PTPN6: variants seen among roughly 807,000 people sequenced by gnomAD.
PTPN6 encodes the protein tyrosine-protein phosphatase non-receptor type 6.
Under a neutral mutation model 81.5 loss-of-function variants are expected in PTPN6, and 18 were observed. The ratio of observed to expected loss-of-function variants is 0.22; its 90% CI spans 0.15 to 0.33. PTPN6 has a LOEUF of 0.33. Ranked by LOEUF, PTPN6 falls within the 10% of genes least tolerant of loss-of-function variation. The pLI is 1.00. For missense variants in PTPN6, 500 were observed against 794.2 expected (o/e 0.63, Z 4.45); for synonymous variants, 301 against 310.9 (o/e 0.97, Z 0.33).
chr12:6,956,147 C>T lies in PTPN6; in HGVS notation c.850C>T (p.His284Tyr), dbSNP rs1555148621. ...TCCTCTCCGCCCACTCCCAGTTGAC[C>T]ACAGCCGAGTGATCCTGCAGGGACG... ...NRYKNILPFD[H>Y]SRVILQGRDS... The change falls in exon 8 of 16, where the codon CAC becomes TAC. Residue 284 changes from histidine to tyrosine, a missense_variant. Physicochemically the swap from His to Tyr is moderately conservative, Grantham distance 83. Transcript: ENST00000318974. The surrounding 1 kb of genome is among the most constrained non-coding windows in gnomAD (Gnocchi z 4.1). 6.2e-7 allele frequency: 1 copy of T among 1,614,066 alleles called. No individual in the cohort carries two copies. Among genetic ancestry groups the T allele is most frequent in the African/African-American group, 1.3e-5 (1 of 74,924 alleles).
At position 6,960,348 on chromosome 12, in the gene PTPN6, A is replaced by G; in HGVS notation, c.1586A>G (p.Gln529Arg). The change falls in exon 14 of 16, where the codon CAG becomes CGG. Residue 529 changes from glutamine (Q) to arginine (R), a missense_variant. Transcript: ENST00000318974. This position sits in a 1 kb window ranked among gnomAD's most constrained non-coding sequence, Gnocchi z 6.1. ...CCACTGTCCCTCTGCCCACAGTCGC[A>G]GAAGGGCCAGGAGTCGGAGTACGGG... is the stretch of plus-strand genomic sequence containing the variant. The part of the protein sequence containing the change: ...TKKKLEVLQS[Q>R]KGQESEYGNI... 6.2e-7 allele frequency: 1 copy of G among 1,613,132 alleles called. No individual in the cohort carries two copies. The highest frequency in any genetic ancestry group is 8.5e-7 in the Non-Finnish European group (1 of 1,179,936).
At position 6,955,003 on chromosome 12, in the gene PTPN6, G is replaced by T; in HGVS notation, c.516+9G>T. 1 of 1,614,086 alleles carries T rather than the reference G, an allele frequency of 6.2e-7. No individual in the cohort carries two copies. The highest frequency in any genetic ancestry group is 2.2e-5 in the East Asian group (1 of 44,878). On this transcript the variant is annotated intron_variant, in intron 4 of 15. Coordinates refer to ENST00000318974, the MANE Select transcript of PTPN6 (RefSeq NM_002831.6). The surrounding 1 kb of genome is among the most constrained non-coding windows in gnomAD (Gnocchi z 7.2). ...TCAAGGTCATGTGCGAGGTAAGGCA[G>T]CCAGGCGGCGGGGGAGCCTCTGCTG...
chr12:6,953,816 G>A (rs1945970485), intron 3 of PTPN6, among the ~76,000 whole-genome samples: 1 of 151,990 alleles, frequency 6.6e-6, no homozygotes, highest in South Asian at 2.1e-4. Context: ...AGGCTCTGGG[G>A]GTCTCTCGGC....
rs782673075 is a variant in PTPN6 at position 6,956,407 on chromosome 12, G to C, written c.925-12G>C. On this transcript the variant is annotated splice_polypyrimidine_tract_variant and intron_variant, in intron 8 of 15. Coordinates refer to ENST00000318974, the MANE Select transcript of PTPN6 (RefSeq NM_002831.6). The surrounding 1 kb of genome is among the most constrained non-coding windows in gnomAD (Gnocchi z 4.1). Reference sequence around the variant, plus strand: ...ACTGTCTTGGGGTGCGTCTCTCCACGCTTGCGTCCAGAACCAGCTGCTAGG... The same window carrying C: ...ACTGTCTTGGGGTGCGTCTCTCCACCCTTGCGTCCAGAACCAGCTGCTAGG... 6.2e-7 allele frequency: 1 copy of C among 1,614,110 alleles called. No individual in the cohort carries two copies. Among genetic ancestry groups the C allele is most frequent in the Non-Finnish European group, 8.5e-7 (1 of 1,180,018 alleles).
chr12:6,956,469 G>T lies in PTPN6; in HGVS notation c.975G>T (p.Gln325His), dbSNP rs781923789. ...DENAKTYIAS[Q>H]GCLEATVNDF... Reference sequence around the variant, plus strand: ...ACGCTAAGACCTACATCGCCAGCCAGGGTTGTCTGGAGGCCACGGTCAATG... The same window carrying T: ...ACGCTAAGACCTACATCGCCAGCCATGGTTGTCTGGAGGCCACGGTCAATG... Residue 325 changes from glutamine to histidine, a missense_variant, in exon 9 of 16, where the codon CAG becomes CAT. Transcript: ENST00000318974. This position sits in a 1 kb window ranked among gnomAD's most constrained non-coding sequence, Gnocchi z 4.1. The T allele has an allele frequency of 6.2e-7, 1 of 1,614,110 alleles. No homozygotes were observed. The highest frequency in any genetic ancestry group is 1.1e-5 in the South Asian group (1 of 91,080).
rs782730341 is a variant in PTPN6 at position 6,955,309 on chromosome 12, G to T, written c.633+42G>T. On this transcript the variant is annotated intron_variant, in intron 5 of 15. Transcript: ENST00000318974. This position sits in a 1 kb window ranked among gnomAD's most constrained non-coding sequence, Gnocchi z 7.2. ...GCTGCCTCCCCACTTCCCCTGAGCT[G>T]TCCCCCAGATGTGAGCTTCTGGGAT... 6.2e-7 allele frequency: 1 copy of T among 1,610,354 alleles called. No individual in the cohort carries two copies. Among genetic ancestry groups the T allele is most frequent in the Admixed American group, 1.7e-5 (1 of 60,002 alleles).
chr12:6,955,272 G>A lies in PTPN6; in HGVS notation c.633+5G>A, dbSNP rs950568921. The A allele has an allele frequency of 6.2e-7, 1 of 1,613,744 alleles. No homozygotes were observed. Among genetic ancestry groups the A allele is most frequent in the Admixed American group, 1.7e-5 (1 of 60,002 alleles). ...GCCTTTGTCTACCTGCGGCAGGTCA[G>A]GGGTGGGCCCAGCTGCCTCCCCACT... On this transcript the variant is annotated splice_donor_5th_base_variant and intron_variant, in intron 5 of 15. Coordinates refer to ENST00000318974, the MANE Select transcript of PTPN6 (RefSeq NM_002831.6). This position sits in a 1 kb window ranked among gnomAD's most constrained non-coding sequence, Gnocchi z 7.2.
Position 6,956,700 on chromosome 12 carries a change from C to A in PTPN6, c.1074+132C>A. Reference sequence around the variant, plus strand: ...CCGGCCCTTGTTGGGAAACTGAGGGCTAGTGACAAAGTCTCGACTACACAA... The same window carrying A: ...CCGGCCCTTGTTGGGAAACTGAGGGATAGTGACAAAGTCTCGACTACACAA... On this transcript the variant is annotated intron_variant, in intron 9 of 15. Coordinates refer to ENST00000318974, the MANE Select transcript of PTPN6 (RefSeq NM_002831.6). This position sits in a 1 kb window ranked among gnomAD's most constrained non-coding sequence, Gnocchi z 4.1. 8.1e-7 allele frequency: 1 copy of A among 1,240,032 alleles called. No homozygotes were observed. The highest frequency in any genetic ancestry group is 1.1e-6 in the Non-Finnish European group (1 of 879,780). The allele number at this position is 1,240,032 out of a possible 1,614,324, so 76.8% of individuals were successfully genotyped here.
chr12:6,951,278 A>AAGT (rs1555147656), upstream of PTPN6: 1 of 1,448,898 alleles, frequency 6.9e-7, no homozygotes, highest in Non-Finnish European at 9.1e-7. This position sits in a 1 kb window ranked among gnomAD's most constrained non-coding sequence, Gnocchi z 7.2. Flanking sequence ...TGTGCTCTAA[A>AAGT]ACGAGAAGTA....
upstream of PTPN6, among the ~76,000 whole-genome samples, chr12:6,946,980 G>A (rs143541969): frequency 6.6e-6 from 1 of 152,214 alleles, no homozygotes; most frequent in East Asian, 1.9e-4. Context: ...TCTCTCCATT[G>A]CATTTCTACT....
Position 6,956,654 on chromosome 12 carries a change from A to G in PTPN6, c.1074+86A>G. 1.3e-6 allele frequency: 2 copies of G among 1,557,580 alleles called. No individual in the cohort carries two copies. The highest frequency in any genetic ancestry group is 1.4e-5 in the African/African-American group (1 of 73,982). The stretch of plus-strand genomic sequence containing the variant: ...AGAGCAGTCAGATGCCAGGGCAGAA[A>G]GGGATCTCAGGGGTGAGGGTCCGGC... On this transcript the variant is annotated intron_variant, in intron 9 of 15. Coordinates refer to ENST00000318974, the MANE Select transcript of PTPN6 (RefSeq NM_002831.6). This position sits in a 1 kb window ranked among gnomAD's most constrained non-coding sequence, Gnocchi z 4.1.
In PTPN6 at chr12:6,956,211, A is replaced by G. The variant is rs1555148653; in HGVS notation, c.914A>G (p.Asn305Ser). The change falls in exon 8 of 16, where the codon AAC becomes AGC. Residue 305 changes from asparagine to serine, a missense_variant. Around this residue, in one of 6 missense-constraint regions of PTPN6, gnomAD observed 226 missense variants for 364.4 expected, o/e 0.62. Transcript: ENST00000318974. The surrounding 1 kb of genome is among the most constrained non-coding windows in gnomAD (Gnocchi z 4.1). Reference sequence around the variant, plus strand: ...CCCGGGTCCGACTACATCAATGCCAACTACATCAAGGTCAGCAGTGTGGGC... The same window carrying G: ...CCCGGGTCCGACTACATCAATGCCAGCTACATCAAGGTCAGCAGTGTGGGC... Reference protein sequence around the residue: ...NIPGSDYINANYIKNQLLGPD... With the variant: ...NIPGSDYINASYIKNQLLGPD... 2 of 1,614,136 alleles carry G rather than the reference A, an allele frequency of 1.2e-6. No individual in the cohort carries two copies. The highest frequency in any genetic ancestry group is 1.7e-5 in the Admixed American group (1 of 60,016).
Position 6,952,708 on chromosome 12 carries a change from CAG to C in PTPN6, c.326+535_326+536del. 1 of 198,374 alleles carries C rather than the reference CAG, an allele frequency of 5.0e-6. No individual in the cohort carries two copies. Among genetic ancestry groups the C allele is most frequent in the Non-Finnish European group, 1.1e-5 (1 of 94,430 alleles). The allele number at this position is 198,374 out of a possible 1,614,324, so 12.3% of individuals were successfully genotyped here. On this transcript the variant is annotated intron_variant, in intron 3 of 15. Coordinates refer to ENST00000318974, the MANE Select transcript of PTPN6 (RefSeq NM_002831.6). The surrounding 1 kb of genome is among the most constrained non-coding windows in gnomAD (Gnocchi z 8.1). ...GGGTCAAATAGGTCTCCGGCCCAAA[CAG>C]AGATCATTGAGAGCACGATGTGAAG...
In PTPN6 at chr12:6,951,936, T is replaced by C; in HGVS notation, c.132-47T>C. On this transcript the variant is annotated intron_variant, in intron 2 of 15. Coordinates refer to ENST00000318974, the MANE Select transcript of PTPN6 (RefSeq NM_002831.6). This position sits in a 1 kb window ranked among gnomAD's most constrained non-coding sequence, Gnocchi z 7.2. ...GGACCTCAGCCGATCCCTGCCCTCC[T>C]GCCTCTACTCCTGCACCGACTGGCC... 1 of 1,562,042 alleles carries C rather than the reference T, an allele frequency of 6.4e-7. No individual in the cohort carries two copies. The highest frequency in any genetic ancestry group is 8.7e-7 in the Non-Finnish European group (1 of 1,145,222).
rs1387467484 is a variant in PTPN6 at position 6,960,585 on chromosome 12, C to T, written c.1673+150C>T. 6.9e-7 allele frequency: 1 copy of T among 1,448,804 alleles called. No homozygotes were observed. Among genetic ancestry groups the T allele is most frequent in the African/African-American group, 1.4e-5 (1 of 70,858 alleles). The allele number at this position is 1,448,804 out of a possible 1,614,324, so 89.7% of individuals were successfully genotyped here. A position where few individuals can be genotyped will look rare whatever the true frequency, so the allele number is the denominator to read the frequency against. ...TCACCCCTTCTGTTCATAAGCATTTCCTGAGTGCCCACACGTGTGGGCCTC... is the reference window on the plus strand; with the variant it reads ...TCACCCCTTCTGTTCATAAGCATTTTCTGAGTGCCCACACGTGTGGGCCTC... On this transcript the variant is annotated intron_variant, in intron 14 of 15. Coordinates refer to ENST00000318974, the MANE Select transcript of PTPN6 (RefSeq NM_002831.6). This position sits in a 1 kb window ranked among gnomAD's most constrained non-coding sequence, Gnocchi z 6.1.
In PTPN6 at chr12:6,955,588, C is replaced by T; in HGVS notation, c.748-72C>T. ...CTCCTTGCCCACCTCTGCTCCTGACCCACCCCACGTGAGCTCCCCCGATGG... is the reference window on the plus strand; with the variant it reads ...CTCCTTGCCCACCTCTGCTCCTGACTCACCCCACGTGAGCTCCCCCGATGG... On this transcript the variant is annotated intron_variant, in intron 6 of 15. Transcript: ENST00000318974. The surrounding 1 kb of genome is among the most constrained non-coding windows in gnomAD (Gnocchi z 7.2). 1 of 1,570,938 alleles carries T rather than the reference C, an allele frequency of 6.4e-7. No individual in the cohort carries two copies. The highest frequency in any genetic ancestry group is 8.8e-7 in the Non-Finnish European group (1 of 1,141,452).
upstream of PTPN6, among the ~76,000 whole-genome samples, chr12:6,950,405 A>G (rs1301439080): frequency 6.6e-6 from 1 of 152,002 alleles, no homozygotes; most frequent in East Asian, 1.9e-4. Flanking sequence ...AGCATCATAT[A>G]CCTTAGTGTT....
In PTPN6 at chr12:6,952,161, G is replaced by A. The variant is rs1945938025; in HGVS notation, c.310G>A (p.Asp104Asn). 1.2e-6 allele frequency: 2 copies of A among 1,613,942 alleles called. No individual in the cohort carries two copies. Among genetic ancestry groups the A allele is most frequent in the Non-Finnish European group, 1.7e-6 (2 of 1,180,002 alleles). ...CCTCAAGTACCCGCTGAACTGCTCC[G>A]ATCCCACTAGTGAGAGGTGAGGGCT... The part of the protein sequence containing the change: ...IHLKYPLNCS[D>N]PTSERWYHGH... Residue 104 changes from aspartate (D) to asparagine (N), a missense_variant, in exon 3 of 16, where the codon GAT (aspartate) becomes AAT (asparagine). Asp to Asn is a conservative substitution (Grantham distance 23, BLOSUM62 1). Transcript: ENST00000318974. The surrounding 1 kb of genome is among the most constrained non-coding windows in gnomAD (Gnocchi z 8.1).
chr12:6,955,252 T>G lies in PTPN6; in HGVS notation c.618T>G (p.Phe206Leu), dbSNP rs1469972531. The change falls in exon 5 of 16, where the codon TTT (phenylalanine) becomes TTG (leucine). Residue 206 changes from phenylalanine to leucine, a missense_variant. Transcript: ENST00000318974. The surrounding 1 kb of genome is among the most constrained non-coding windows in gnomAD (Gnocchi z 7.2). ...GGATTGAGGAGGCCTCAGGCGCCTT[T>G]GTCTACCTGCGGCAGGTCAGGGGTG... ...KTGIEEASGAFVYLRQPYYAT... is the reference protein window; with the variant it reads ...KTGIEEASGALVYLRQPYYAT... The G allele has an allele frequency of 1.9e-6, 3 of 1,614,018 alleles. No homozygotes were observed. Among genetic ancestry groups the G allele is most frequent in the African/African-American group, 1.3e-5 (1 of 74,918 alleles).
Sources: gnomAD v4.1 joint callset for allele counts (sites outside exome capture counted in the v4.1 genomes callset) on GRCh38, gnomAD v4.1.1 for gene constraint, gnomAD v4.1.1 regional missense constraint, Gnocchi (gnomAD v3.1) non-coding constraint, MANE v1.5 for transcripts, NCBI Gene and HGNC (gene_info 2026-07-23, HGNC 2026-07-21) for gene names.